LTN1: variants seen among roughly 807,000 people sequenced by gnomAD.
LTN1 encodes listerin E3 ubiquitin protein ligase 1.
Under a neutral mutation model 201.2 loss-of-function variants are expected in LTN1, and 88 were observed. The observed-to-expected ratio is 0.44, with a 90% CI of 0.37 to 0.52. The LOEUF (loss-of-function observed/expected upper bound fraction) is 0.52, where lower values mean the gene tolerates loss of function less well. Ranked by LOEUF, LTN1 falls within the 20% of genes least tolerant of loss-of-function variation. The probability of loss-of-function intolerance (pLI) is 0.00; values close to 1 mark genes in which losing one functional copy is unlikely to be tolerated. For missense variants in LTN1, 1,752 were observed against 2,038.7 expected (o/e 0.86, Z 2.71); for synonymous variants, 645 against 713.5 (o/e 0.90, Z 1.53).
chr21:28,990,073 CTG>C (rs1164496041), intron 1 of LTN1, among the ~76,000 whole-genome samples: 1 of 152,120 alleles, frequency 6.6e-6, no homozygotes, highest in African/African-American at 2.4e-5. Context: ...TTTCTTTTCA[CTG>C]TCTGACAAAC....
At chr21:28,935,062 C>A in intron 27 of LTN1, 47 bp downstream of exon 27, 1 of 1,183,838 alleles carries the variant, frequency 8.4e-7, no homozygotes, top group South Asian at 1.2e-5. Flanking sequence ...GACAGACATA[C>A]CCAATATTAA....
intron 24 of LTN1, 33 bp downstream of exon 24, chr21:28,943,229 T>A: frequency 7.3e-7 from 1 of 1,368,362 alleles, no homozygotes; most frequent in Non-Finnish European, 1.0e-6. Context: ...ATTATAAGAA[T>A]TTAATAAAAC....
Position 28,953,197 on chromosome 21 carries a change from A to C in LTN1, c.3239+20T>G. The stretch of plus-strand genomic sequence containing the variant: ...GAAGTAGCATAGTCATTTTAAAAAC[A>C]AATTGAAAGAGATTCTTACCTGTTA... On this transcript the variant is annotated intron_variant, in intron 17 of 29. Coordinates refer to ENST00000361371, the MANE Select transcript of LTN1 (RefSeq NM_015565.3). 1.3e-6 allele frequency: 2 copies of C among 1,524,302 alleles called. No homozygotes were observed. The highest frequency in any genetic ancestry group is 1.8e-6 in the Non-Finnish European group (2 of 1,142,604). The allele number at this position is 1,524,302 out of a possible 1,614,324, so 94.4% of individuals were successfully genotyped here. A position where few individuals can be genotyped will look rare whatever the true frequency, so the allele number is the denominator to read the frequency against.
rs1406991058 is a variant in LTN1 at position 28,952,189 on chromosome 21, T to G, written c.3315A>C (p.Glu1105Asp). The G allele has an allele frequency of 6.2e-7, 1 of 1,607,922 alleles. No homozygotes were observed. The highest frequency in any genetic ancestry group is 1.3e-5 in the African/African-American group (1 of 74,720). ...LILSRSISSD[E>D]VKPHYKRKES... ...CTTTTCTCTTATAATGTGGTTTTACTTCATCAGATGAAATGCTTCGGGAAA... is the reference window on the plus strand; with the variant it reads ...CTTTTCTCTTATAATGTGGTTTTACGTCATCAGATGAAATGCTTCGGGAAA... Residue 1105 changes from glutamate to aspartate, a missense_variant, in exon 18 of 30, where the codon GAA becomes GAC. Physicochemically the swap from Glu to Asp is conservative, Grantham distance 45. Around this residue, in one of 3 missense-constraint regions of LTN1, gnomAD observed 1,211 missense variants for 1,312.8 expected, o/e 0.92. Transcript: ENST00000361371.
chr21:28,977,030 C>T (rs1456757890), intron 6 of LTN1, among the ~76,000 whole-genome samples: 3 of 152,180 alleles, frequency 2.0e-5, no homozygotes, highest in Non-Finnish European at 2.9e-5. Context: ...TCTGGAGTTA[C>T]AGGCATGAGC....
chr21:28,984,639 A>G, intron 4 of LTN1, 53 bp downstream of exon 4: 2 of 1,311,706 alleles, frequency 1.5e-6, no homozygotes, highest in South Asian at 1.3e-5. Context: ...TATGCTTATA[A>G]CCCTTAAATA....
intron 24 of LTN1, among the ~76,000 whole-genome samples, chr21:28,942,979 T>C (rs937356560): frequency 1.3e-5 from 2 of 152,038 alleles, no homozygotes; most frequent in Admixed American, 6.6e-5. Flanking sequence ...GGATGCTCAA[T>C]AGATACTTGA....
chr21:28,948,821 G>A (rs1169390593), intron 18 of LTN1, among the ~76,000 whole-genome samples: 4 of 152,030 alleles, frequency 2.6e-5, no homozygotes, highest in African/African-American at 9.7e-5. Context: ...AATTTTTGCT[G>A]TCACACATAA....
chr21:28,985,255 T>C (rs997341348), intron 3 of LTN1, among the ~76,000 whole-genome samples: 3 of 151,468 alleles, frequency 2.0e-5, no homozygotes, highest in Non-Finnish European at 4.4e-5. Context: ...CGGTCAGGAG[T>C]TCAAGACCAG....
chr21:28,931,799 C>G (rs747203284), intron 28 of LTN1, among the ~76,000 whole-genome samples: 1 of 152,026 alleles, frequency 6.6e-6, no homozygotes, highest in South Asian at 2.1e-4. Context: ...GTCAGGAGTT[C>G]GTTGACCACC....
chr21:28,967,706 A>C (rs1422485119), intron 9 of LTN1: 1 of 152,328 alleles, frequency 6.6e-6, no homozygotes, highest in African/African-American at 2.4e-5. Context: ...AGCAAACCCC[A>C]GGAGGGGGTC....
Position 28,929,987 on chromosome 21 carries a change from A to G in LTN1, c.*461T>C. Reference sequence around the variant, plus strand: ...TCTACAAATATCAGAATACTAATTTATTGTCATAACTAATAAATAAGGCTT... The same window carrying G: ...TCTACAAATATCAGAATACTAATTTGTTGTCATAACTAATAAATAAGGCTT... On this transcript the variant is annotated 3_prime_UTR_variant, in exon 30 of 30. Transcript: ENST00000361371. 1 of 152,500 alleles carries G rather than the reference A, an allele frequency of 6.6e-6. No homozygotes were observed. Among genetic ancestry groups the G allele is most frequent in the East Asian group, 1.9e-4 (1 of 5,194 alleles). 9.4% of individuals were successfully genotyped at this position (152,500 alleles called of 1,614,324 possible).
At position 28,960,669 on chromosome 21, in the gene LTN1, G is replaced by C. The variant is rs1405002563; in HGVS notation, c.2201C>G (p.Pro734Arg). The part of the protein sequence containing the change: ...PSSDKHALVT[P>R]WLKGDILGEK... ...ACCAAGGATATCGCCTTTGAGCCAA[G>C]GAGTTACTAAAGCATGTTTATCTGA... The change falls in exon 12 of 30, where the codon CCT becomes CGT. Residue 734 changes from proline to arginine, a missense_variant. This residue lies in a region of LTN1 where 1,211 missense variants were observed against 1,312.8 expected (regional missense o/e 0.92). Coordinates refer to ENST00000361371, the MANE Select transcript of LTN1 (RefSeq NM_015565.3). The C allele has an allele frequency of 3.1e-6, 5 of 1,613,902 alleles. No individual in the cohort carries two copies. The highest frequency in any genetic ancestry group is 4.2e-6 in the Non-Finnish European group (5 of 1,179,900).
chr21:28,987,421 A>G (rs2245728), intron 1 of LTN1, among the ~76,000 whole-genome samples: 1 of 152,114 alleles, frequency 6.6e-6, no homozygotes. Context: ...AAATGAACAA[A>G]TATTTATTAA....
At chr21:28,971,081 T>C (rs539351357) in intron 7 of LTN1, among the ~76,000 whole-genome samples, 190 bp downstream of exon 7, 2 of 152,328 alleles carry the variant, frequency 1.3e-5, no homozygotes, top group South Asian at 2.1e-4. Flanking sequence ...CTAGGACACA[T>C]AAGGTTTAAA....
Position 28,984,735 on chromosome 21 carries a change from T to C in LTN1, c.533A>G (p.Lys178Arg). 6.2e-7 allele frequency: 1 copy of C among 1,614,200 alleles called. No homozygotes were observed. Among genetic ancestry groups the C allele is most frequent in the Non-Finnish European group, 8.5e-7 (1 of 1,180,018 alleles). ...DAFEAAFPPS[K>R]QPEAIAFCKD... The stretch of plus-strand genomic sequence containing the variant: ...ACAAAATGCTATGGCTTCAGGTTGC[T>C]TGCTTGGAGGAAAAGCCGCTTCAAA... The change falls in exon 4 of 30, where the codon AAG (lysine) becomes AGG (arginine). Residue 178 changes from lysine (K) to arginine (R), a missense_variant. Physicochemically the swap from Lys to Arg is conservative, Grantham distance 26. Coordinates refer to ENST00000361371, the MANE Select transcript of LTN1 (RefSeq NM_015565.3).
chr21:28,941,307 T>C lies in LTN1; in HGVS notation c.4395A>G (p.Lys1465=). The change falls in exon 25 of 30, where the codon AAA becomes AAG. Residue 1465 remains lysine (K), a synonymous_variant. Transcript: ENST00000361371. ...CIPVGQIVTI[K]PLSEDFCYVL... ...CATAACAGAAGTCTTCACTCAGTGG[T>C]TTAATAGTAACTATCTGTCCAACAG... The C allele has an allele frequency of 6.2e-7, 1 of 1,613,110 alleles. No individual in the cohort carries two copies.
At chr21:28,983,478 T>G (rs892479419) in intron 4 of LTN1, among the ~76,000 whole-genome samples, 7 of 152,250 alleles carry the variant, frequency 4.6e-5, no homozygotes, top group African/African-American at 1.4e-4. Flanking sequence ...ACAAACCCTC[T>G]CTCTAGAAAA....
chr21:28,935,263 T>A lies in LTN1; in HGVS notation c.4721A>T (p.Asp1574Val). The change falls in exon 27 of 30, where the codon GAC becomes GTC. Residue 1574 changes from aspartate (D) to valine (V), a missense_variant. Physicochemically the swap from Asp to Val is radical, Grantham distance 152 (BLOSUM62 -3). This residue lies in a region of LTN1 where 261 missense variants were observed against 350.1 expected (regional missense o/e 0.75). Transcript: ENST00000361371. ...ACSVYHMTLK[D>V]LPAMVRLWWN... is the part of the protein sequence containing the mutation. The stretch of plus-strand genomic sequence containing the variant: ...CCACAACCTAACCATGGCAGGCAAG[T>A]CTTTTAATGTCATATGATAGACTGA... 1.2e-6 allele frequency: 2 copies of A among 1,614,132 alleles called. No homozygotes were observed. Among genetic ancestry groups the A allele is most frequent in the Non-Finnish European group, 1.7e-6 (2 of 1,179,968 alleles).
Sources: gnomAD v4.1 joint callset for allele counts (sites outside exome capture counted in the v4.1 genomes callset) on GRCh38, gnomAD v4.1.1 for gene constraint, gnomAD v4.1.1 regional missense constraint, MANE v1.5 for transcripts, NCBI Gene and HGNC (gene_info 2026-07-23, HGNC 2026-07-21) for gene names.